EDARADD: variants seen among roughly 807,000 people sequenced by gnomAD.
EDARADD encodes the protein EDAR associated via death domain.
EDARADD carries 20 observed loss-of-function variants against 25.6 expected under a neutral mutation model. The ratio of observed to expected loss-of-function variants is 0.78; its 90% confidence interval spans 0.55 to 1.14. The LOEUF (loss-of-function observed/expected upper bound fraction) is 1.14, where lower values mean the gene tolerates loss of function less well. Among genes scored for constraint, EDARADD ranks in the 50% most tolerant of loss-of-function variants. EDARADD has a pLI of 0.00. For synonymous variants in EDARADD, 86 were observed against 94.4 expected (o/e 0.91, Z 0.52); for missense variants, 225 against 270.1 (o/e 0.83, Z 1.17).
At chr1:236,416,305 G>A (rs1416235202) in intron 3 of EDARADD, among the ~76,000 whole-genome samples, 2 of 152,208 alleles carry the variant, frequency 1.3e-5, no homozygotes, top group Non-Finnish European at 2.9e-5. Context: ...AGCCGAAGAA[G>A]TGTGAAAAAT....
chr1:236,442,272 T>C (rs749234513), intron 4 of EDARADD, among the ~76,000 whole-genome samples: 14 of 152,208 alleles, frequency 9.2e-5, no homozygotes, highest in South Asian at 2.1e-4. Context: ...ATTACAGGCA[T>C]GCACCACCTT....
chr1:236,430,477 T>C (rs1362861888), intron 4 of EDARADD, among the ~76,000 whole-genome samples: 9 of 152,214 alleles, frequency 5.9e-5, no homozygotes, highest in Non-Finnish European at 1.0e-4. Flanking sequence ...CTGTTCAGCA[T>C]TTTTCCTAAT....
At chr1:236,479,437 G>A (rs1659603589) in intron 5 of EDARADD, among the ~76,000 whole-genome samples, 1 of 151,698 alleles carries the variant, frequency 6.6e-6, no homozygotes, top group Admixed American at 6.6e-5. Flanking sequence ...TAAGGCGGCA[G>A]TGAGCCGTGA....
chr1:236,393,898 A>G (rs1002493348), upstream of EDARADD, among the ~76,000 whole-genome samples: 4 of 152,186 alleles, frequency 2.6e-5, no homozygotes, highest in Non-Finnish European at 4.4e-5. Context: ...GCACATGGGA[A>G]AAATAAAGGT....
At chr1:236,412,771 A>G (rs1657529152) in intron 2 of EDARADD, among the ~76,000 whole-genome samples, 1 of 152,194 alleles carries the variant, frequency 6.6e-6, no homozygotes, top group South Asian at 2.1e-4. Flanking sequence ...GTGGATGTTT[A>G]CTTAAAACTA....
chr1:236,368,382 A>G (rs1357749839), intron 3 of EDARADD, among the ~76,000 whole-genome samples: 2 of 149,670 alleles, frequency 1.3e-5, no homozygotes, highest in African/African-American at 4.9e-5. Context: ...AACCATTCAC[A>G]TTATTCTCTT....
intron 1 of EDARADD, among the ~76,000 whole-genome samples, chr1:236,404,385 G>C (rs552180538): frequency 3.3e-4 from 50 of 152,310 alleles, no homozygotes; most frequent in African/African-American, 1.2e-3. Context: ...ATCTGGACCT[G>C]TGAGAACAAA....
chr1:236,452,688 C>T (rs1658746585), intron 4 of EDARADD, among the ~76,000 whole-genome samples: 1 of 152,104 alleles, frequency 6.6e-6, no homozygotes, highest in Admixed American at 6.6e-5. Flanking sequence ...GACTAATACA[C>T]TTCTATAAGC....
At position 236,395,401 on chromosome 1, in the gene EDARADD, C is replaced by G; in HGVS notation, c.61+896C>G. 7.0e-7 allele frequency: 1 copy of G among 1,418,722 alleles called. No individual in the cohort carries two copies. The highest frequency in any genetic ancestry group is 1.5e-5 in the African/African-American group (1 of 68,164). The allele number at this position is 1,418,722 out of a possible 1,614,324, so 87.9% of individuals were successfully genotyped here. ...GAGGGAGGTACCGAGGGACGCGCAG[C>G]GAAGGGGCTTTGCTAATTGCCAAAG... On this transcript the variant is annotated intron_variant, in intron 1 of 5. Transcript: ENST00000334232. This position sits in a 1 kb window ranked among gnomAD's most constrained non-coding sequence, Gnocchi z 6.9.
At chr1:236,474,253 C>T (rs1659446376) in intron 5 of EDARADD, among the ~76,000 whole-genome samples, 1 of 152,184 alleles carries the variant, frequency 6.6e-6, no homozygotes, top group South Asian at 2.1e-4. Flanking sequence ...TGTTCATTGT[C>T]ACTTCATCAT....
At position 236,407,254 on chromosome 1, in the gene EDARADD, C is replaced by T. The variant is rs192198306; in HGVS notation, c.62-1962C>T. Reference sequence around the variant, plus strand: ...AGGTCTCTTTGCTGGTGCTGGGCCGCGGTCCCCGGGGGTTAGGCTGCTCTG... The same window carrying T: ...AGGTCTCTTTGCTGGTGCTGGGCCGTGGTCCCCGGGGGTTAGGCTGCTCTG... On this transcript the variant is annotated intron_variant, in intron 1 of 5. Transcript: ENST00000334232. 2.1e-3 allele frequency among the ~76,000 whole-genome samples: 326 copies of T among 152,290 alleles called. 6 individuals are homozygous for T. Among genetic ancestry groups the T allele is most frequent in the Admixed American group, 0.019 (297 of 15,292 alleles).
chr1:236,394,506 G>C lies in EDARADD; in HGVS notation c.61+1G>C, dbSNP rs776468025. ...ACTAAAGCTCCTGGTCACCAAGAGGGTATGTAGGCATTTGCTGTCTTCCTG... is the reference window on the plus strand; with the variant it reads ...ACTAAAGCTCCTGGTCACCAAGAGGCTATGTAGGCATTTGCTGTCTTCCTG... On this transcript the variant is annotated splice_donor_variant, in intron 1 of 5. Transcript: ENST00000334232. LOFTEE classifies it high-confidence loss of function. 1.9e-6 allele frequency: 3 copies of C among 1,612,668 alleles called. No individual in the cohort carries two copies. The highest frequency in any genetic ancestry group is 2.7e-5 in the African/African-American group (2 of 74,898).
intron 4 of EDARADD, among the ~76,000 whole-genome samples, chr1:236,466,423 A>ACT (rs4006550): frequency 2.7e-5 from 3 of 112,134 alleles, no homozygotes; most frequent in African/African-American, 6.4e-5. Context: ...TTTCTCTCTC[A>ACT]CTCTCTCTCT....
intron 4 of EDARADD, among the ~76,000 whole-genome samples, chr1:236,462,515 C>T (rs1019061281): frequency 1.2e-4 from 19 of 152,200 alleles, no homozygotes; most frequent in Admixed American, 1.2e-3. Flanking sequence ...AGTCCATTCC[C>T]CCGTGGGCTG....
chr1:236,482,661 T>G lies in EDARADD; in HGVS notation c.*12T>G. The G allele has an allele frequency of 6.2e-7, 1 of 1,611,280 alleles. No individual in the cohort carries two copies. Among genetic ancestry groups the G allele is most frequent in the Non-Finnish European group, 8.5e-7 (1 of 1,180,014 alleles). The stretch of plus-strand genomic sequence containing the variant: ...CCAGGCACTTCTAGAGCTCTTCTTC[T>G]TCCTTCATTGGCCTCTCCGGATGTT... On this transcript the variant is annotated 3_prime_UTR_variant, in exon 6 of 6. Transcript: ENST00000334232.
At chr1:236,374,850 C>T (rs1051006069) in intron 3 of EDARADD, among the ~76,000 whole-genome samples, 2 of 151,360 alleles carry the variant, frequency 1.3e-5, no homozygotes, top group Admixed American at 1.3e-4. Context: ...TTTTTTGATC[C>T]ACTCTAACAA....
intron 4 of EDARADD, among the ~76,000 whole-genome samples, chr1:236,440,367 C>T (rs1346486377): frequency 1.3e-5 from 2 of 152,102 alleles, no homozygotes; most frequent in Admixed American, 1.3e-4. Context: ...TTTGTCCCTC[C>T]ATGTAAATTT....
chr1:236,405,870 C>CTTTCT (rs1558112769), intron 1 of EDARADD, among the ~76,000 whole-genome samples: 34 of 37,518 alleles, frequency 9.1e-4, no homozygotes, highest in African/African-American at 3.2e-3. Context: ...TCCTTCCTTC[C>CTTTCT]TTCCTTCTTT....
At chr1:236,423,352 G>C (rs984681662) in intron 3 of EDARADD, among the ~76,000 whole-genome samples, 1 of 152,194 alleles carries the variant, frequency 6.6e-6, no homozygotes, top group Non-Finnish European at 1.5e-5. Context: ...AGTTTACCAA[G>C]TAATTTTTAG....
Sources: gnomAD v4.1 joint callset for allele counts (sites outside exome capture counted in the v4.1 genomes callset) on GRCh38, gnomAD v4.1.1 for gene constraint, Gnocchi (gnomAD v3.1) non-coding constraint, MANE v1.5 for transcripts, NCBI Gene and HGNC (gene_info 2026-07-23, HGNC 2026-07-21) for gene names.